DOCK3: variants seen among roughly 807,000 people sequenced by gnomAD.
DOCK3 encodes the protein dedicator of cytokinesis protein 3.
In DOCK3, 60 loss-of-function variants were observed where a neutral mutation model predicts 265.6. That is an observed-to-expected ratio of 0.23 (90% CI 0.18 to 0.28). The LOEUF is 0.28. Among genes scored for constraint, DOCK3 ranks in the 10% least tolerant of loss-of-function variants. The pLI, the probability that DOCK3 is intolerant of heterozygous loss-of-function variation, is 1.00. For missense variants in DOCK3, 1,981 were observed against 2,594.3 expected, an observed-to-expected ratio of 0.76 and a Z score of 5.14; for synonymous variants, 881 against 938.0, an observed-to-expected ratio of 0.94 and a Z score of 1.11.
In DOCK3 at chr3:51,338,756, A is replaced by G. The variant is rs567910620; in HGVS notation, c.3673-179A>G. Among the ~76,000 whole-genome samples, 3 of 152,236 alleles carry G rather than the reference A, an allele frequency of 2.0e-5. No individual in the cohort carries two copies. The South Asian group carries it at 6.2e-4, about 32-fold the overall frequency. On this transcript the variant is annotated intron_variant, in intron 36 of 52. Coordinates refer to ENST00000266037, the MANE Select transcript of DOCK3 (RefSeq NM_004947.5). ...TACCCAGGGCTCCCATAGACCTGCC[A>G]GTGGTTCCACCCACAGCAGGTGTTC...
intron 5 of DOCK3, among the ~76,000 whole-genome samples, chr3:50,947,095 A>G (rs902266119): frequency 4.6e-5 from 7 of 151,804 alleles, no homozygotes; most frequent in Non-Finnish European, 7.4e-5. Context: ...GATTCCCACT[A>G]CTTTTAATTT....
At chr3:51,076,318 T>C (rs2082055616) in intron 7 of DOCK3, among the ~76,000 whole-genome samples, 1 of 152,160 alleles carries the variant, frequency 6.6e-6, no homozygotes, top group Non-Finnish European at 1.5e-5. Context: ...TAAAGATAGC[T>C]GGATGTGGTG....
At chr3:51,153,098 C>A (rs2085686948) in intron 10 of DOCK3, among the ~76,000 whole-genome samples, 1 of 152,330 alleles carries the variant, frequency 6.6e-6, no homozygotes, top group Admixed American at 6.5e-5. Flanking sequence ...CTATGCCCTG[C>A]CCGCCTAGGT....
intron 5 of DOCK3, among the ~76,000 whole-genome samples, chr3:50,966,448 T>C (rs1396552036): frequency 6.6e-6 from 1 of 152,096 alleles, no homozygotes; most frequent in Non-Finnish European, 1.5e-5. Context: ...AGGATTCTCT[T>C]TTCTCTACAA....
intron 1 of DOCK3, among the ~76,000 whole-genome samples, chr3:50,730,334 G>T (rs2038118550): frequency 6.6e-6 from 1 of 150,680 alleles, no homozygotes; most frequent in Admixed American, 6.6e-5. Flanking sequence ...GTAGAGATGG[G>T]GTTTTGCCAT....
At position 50,977,470 on chromosome 3, in the gene DOCK3, C is replaced by A. The variant is rs370413697; in HGVS notation, c.315+43393C>A. Among the ~76,000 whole-genome samples, 13 of 152,198 alleles carry A rather than the reference C, an allele frequency of 8.5e-5. No individual in the cohort carries two copies. In the East Asian group the frequency reaches 9.6e-4, roughly 11 times the overall value. On this transcript the variant is annotated intron_variant, in intron 5 of 52. Transcript: ENST00000266037. Reference sequence around the variant, plus strand: ...TTTCTTTAAGAATGTTGAATATTGGCCCCCACTGTCTTCTGGCTTGTAGGG... The same window carrying A: ...TTTCTTTAAGAATGTTGAATATTGGACCCCACTGTCTTCTGGCTTGTAGGG...
chr3:51,205,771 G>A (rs916588086), intron 12 of DOCK3, among the ~76,000 whole-genome samples: 4 of 152,192 alleles, frequency 2.6e-5, no homozygotes, highest in African/African-American at 7.2e-5. Flanking sequence ...AGCAAGTGCT[G>A]TATTAAGAGA....
intron 1 of DOCK3, among the ~76,000 whole-genome samples, chr3:50,689,927 C>G (rs1219561586): frequency 6.6e-6 from 1 of 152,108 alleles, no homozygotes; most frequent in Non-Finnish European, 1.5e-5. Flanking sequence ...GTTGTCTTTT[C>G]ACTCACTTGG....
chr3:51,249,558 T>G, intron 22 of DOCK3, among the ~76,000 whole-genome samples: 1 of 86,264 alleles, frequency 1.2e-5, no homozygotes, highest in Non-Finnish European at 2.4e-5. Flanking sequence ...GGTGGGCGGG[T>G]CAGCCCCCCG....
At chr3:51,195,709 C>T (rs1298971603) in intron 12 of DOCK3, among the ~76,000 whole-genome samples, 3 of 152,140 alleles carry the variant, frequency 2.0e-5, no homozygotes, top group East Asian at 1.9e-4. Flanking sequence ...TGAGCCACTG[C>T]GCCTGGCCAT....
chr3:51,277,432 C>T (rs1334498325), intron 25 of DOCK3, among the ~76,000 whole-genome samples, 176 bp from the exon 26 acceptor site: 2 of 152,196 alleles, frequency 1.3e-5, no homozygotes, highest in South Asian at 2.1e-4. Context: ...AGTTGTGCCT[C>T]ACCTCCTGTC....
intron 5 of DOCK3, among the ~76,000 whole-genome samples, chr3:51,023,297 T>C (rs973235102): frequency 2.0e-5 from 3 of 152,172 alleles, no homozygotes; most frequent in South Asian, 2.1e-4. Context: ...AAGCCTGTCT[T>C]TGAGCTCTGA....
chr3:51,001,068 C>T (rs554508708), intron 5 of DOCK3, among the ~76,000 whole-genome samples: 34 of 152,208 alleles, frequency 2.2e-4, no homozygotes, highest in Admixed American at 6.5e-4. Flanking sequence ...TTGGATTGCT[C>T]CGAATTTTGA....
chr3:50,826,242 C>T (rs142918301), intron 2 of DOCK3, among the ~76,000 whole-genome samples: 39 of 151,946 alleles, frequency 2.6e-4, no homozygotes, highest in African/African-American at 9.2e-4. Context: ...GTAGTTGCTA[C>T]CTCTGTTATA....
At chr3:51,344,949 C>A (rs1424988233) in intron 38 of DOCK3, among the ~76,000 whole-genome samples, 1 of 152,142 alleles carries the variant, frequency 6.6e-6, no homozygotes, top group East Asian at 1.9e-4. Context: ...GAGATGCCGG[C>A]AAGATAGATG....
intron 12 of DOCK3, among the ~76,000 whole-genome samples, chr3:51,205,212 A>G (rs936461998): frequency 1.1e-4 from 16 of 152,096 alleles, no homozygotes; most frequent in African/African-American, 3.8e-4. Context: ...AAAAAGAAAA[A>G]GAAGGTCCAC....
At chr3:50,807,450 G>A (rs1458536022) in intron 2 of DOCK3, among the ~76,000 whole-genome samples, 3 of 152,042 alleles carry the variant, frequency 2.0e-5, no homozygotes, top group African/African-American at 7.2e-5. Flanking sequence ...TAAGAGAACA[G>A]CCCTCATGAC....
At chr3:50,865,603 C>T (rs1575396182) in intron 3 of DOCK3, among the ~76,000 whole-genome samples, 2 of 152,322 alleles carry the variant, frequency 1.3e-5, no homozygotes, top group Admixed American at 1.3e-4. Context: ...AACAGTGCTG[C>T]AACAAACATG....
At chr3:51,144,273 A>C (rs1183371979) in intron 9 of DOCK3, among the ~76,000 whole-genome samples, 1 of 152,046 alleles carries the variant, frequency 6.6e-6, no homozygotes, top group East Asian at 1.9e-4. Flanking sequence ...GTGCTTCATC[A>C]TTTCTTTCCT....
Sources: gnomAD v4.1 joint callset for allele counts (sites outside exome capture counted in the v4.1 genomes callset) on GRCh38, gnomAD v4.1.1 for gene constraint, MANE v1.5 for transcripts, NCBI Gene and HGNC (gene_info 2026-07-23, HGNC 2026-07-21) for gene names.